The following CNNM4 variants were observed in gnomAD, a reference collection of about 807,000 sequenced individuals.
The protein encoded by CNNM4 is metal transporter CNNM4.
In CNNM4, 32 loss-of-function variants were observed where a neutral mutation model predicts 53.7. The observed-to-expected ratio is 0.60, with a 90% CI of 0.45 to 0.80. CNNM4 has a LOEUF of 0.80. Among genes scored for constraint, CNNM4 ranks in the 30% least tolerant of loss-of-function variants. CNNM4 has a pLI of 0.00. For missense variants in CNNM4, 784 were observed against 1,022.0 expected (o/e 0.77, Z 3.17); for synonymous variants, 410 against 440.0 (o/e 0.93, Z 0.85).
At position 96,801,088 on chromosome 2, in the gene CNNM4, C is replaced by T. The variant is rs1287299004; in HGVS notation, c.1948+1440C>T. On this transcript the variant is annotated intron_variant, in intron 5 of 6. Coordinates refer to ENST00000377075, the MANE Select transcript of CNNM4 (RefSeq NM_020184.4). The surrounding 1 kb of genome is among the most constrained non-coding windows in gnomAD (Gnocchi z 5.6). The stretch of plus-strand genomic sequence containing the variant: ...TTGCTCCAGTGCCTTCAGTCCAGGT[C>T]GGGTGTCCGCCTGGCAAGCGGAACT... The T allele has an allele frequency of 1.2e-5, 12 of 985,290 alleles. No homozygotes were observed. The South Asian group carries it at 2.3e-4, about 19-fold the overall frequency. The allele number at this position is 985,290 out of a possible 1,614,324, so 61.0% of individuals were successfully genotyped here.
At chr2:96,796,094 G>GTTCCAGAA in intron 1 of CNNM4, among the ~76,000 whole-genome samples, 1 of 129,324 alleles carries the variant, frequency 7.7e-6, no homozygotes, top group Non-Finnish European at 1.6e-5. Context: ...CTCCCCAAGA[G>GTTCCAGAA]TTCCAGAAGC....
intron 1 of CNNM4, among the ~76,000 whole-genome samples, chr2:96,772,574 C>T (rs1182479278): frequency 1.4e-5 from 2 of 141,600 alleles, no homozygotes; most frequent in Non-Finnish European, 3.0e-5. Flanking sequence ...CTCATACCCC[C>T]ACATAGGTAC....
intron 5 of CNNM4, among the ~76,000 whole-genome samples, chr2:96,802,539 G>C (rs7580942): frequency 0.19 from 28,765 of 152,284 alleles, 5,049 homozygotes; most frequent in African/African-American, 0.47. Context: ...AGACTGCCTA[G>C]TCAAGAGCCA....
At chr2:96,806,860 C>G (rs1156348513) in intron 5 of CNNM4, among the ~76,000 whole-genome samples, 1 of 152,098 alleles carries the variant, frequency 6.6e-6, no homozygotes, top group Non-Finnish European at 1.5e-5. Flanking sequence ...TGTTACAACT[C>G]TTATTCGAGA....
intron 5 of CNNM4, among the ~76,000 whole-genome samples, chr2:96,802,457 C>G (rs919022869): frequency 5.4e-4 from 82 of 152,368 alleles, no homozygotes; most frequent in Admixed American, 6.5e-4. Context: ...ATTTTCTTCA[C>G]AAGCTTTGCT....
At chr2:96,772,442 A>G (rs1423990314) in intron 1 of CNNM4, among the ~76,000 whole-genome samples, 24 of 109,940 alleles carry the variant, frequency 2.2e-4, no homozygotes, top group African/African-American at 8.9e-4. Flanking sequence ...GCGCACACAC[A>G]CTCATACCCC....
chr2:96,806,529 ACACACACGCGCG>A lies in CNNM4; in HGVS notation c.1949-2030_1949-2019del, dbSNP rs1365512957. Among the ~76,000 whole-genome samples, 408 of 142,372 alleles carry A rather than the reference ACACACACGCGCG, an allele frequency of 2.9e-3. 3 individuals are homozygous for A. The highest frequency in any genetic ancestry group is 0.01 in the African/African-American group (391 of 37,748). The allele number at this position is 142,372 out of a possible 152,430, so 93.4% of individuals were successfully genotyped here. ...CCAACACACACACACACACACACAC[ACACACACGCGCG>A]CGCGCGCGCGCGCCCTTAGTTAAAA... On this transcript the variant is annotated intron_variant, in intron 5 of 6. Coordinates refer to ENST00000377075, the MANE Select transcript of CNNM4 (RefSeq NM_020184.4).
intron 5 of CNNM4, among the ~76,000 whole-genome samples, chr2:96,802,104 C>T (rs796791223): frequency 7.3e-5 from 11 of 151,226 alleles, no homozygotes; most frequent in South Asian, 6.3e-4. Context: ...TACACAGATA[C>T]ACCCATAGAC....
chr2:96,763,702 TG>T (rs1265363057), intron 1 of CNNM4, among the ~76,000 whole-genome samples: 1 of 152,184 alleles, frequency 6.6e-6, no homozygotes, highest in African/African-American at 2.4e-5. Context: ...GAAAAGATGC[TG>T]GGGTCAGGGC....
In CNNM4 at chr2:96,761,087, CT is replaced by C; in HGVS notation, c.89del (p.Leu30ArgfsTer20). The C allele has an allele frequency of 6.6e-7, 1 of 1,516,326 alleles. No homozygotes were observed. The highest frequency in any genetic ancestry group is 8.9e-7 in the Non-Finnish European group (1 of 1,128,334). 93.9% of individuals were successfully genotyped at this position (1,516,326 alleles called of 1,614,324 possible). The part of the protein sequence containing the change: ...LLAAPVLLVL[L>X]WALGARGQGS... ...GGCGGCGCCGGTGCTGCTGGTGCTGCTGTGGGCGCTGGGGGCCCGGGGCCAG... is the reference window on the plus strand; with the variant it reads ...GGCGGCGCCGGTGCTGCTGGTGCTGCGTGGGCGCTGGGGGCCCGGGGCCAG... On this transcript the variant is annotated frameshift_variant, in exon 1 of 7. Transcript: ENST00000377075. LOFTEE classifies it high-confidence loss of function. The surrounding 1 kb of genome is among the most constrained non-coding windows in gnomAD (Gnocchi z 6.0).
chr2:96,809,486 T>A lies in CNNM4; in HGVS notation c.2297T>A (p.Leu766Gln), dbSNP rs760638293. 8 of 1,614,252 alleles carry A rather than the reference T, an allele frequency of 5.0e-6. No homozygotes were observed. Among genetic ancestry groups the A allele is most frequent in the Non-Finnish European group, 6.8e-6 (8 of 1,180,034 alleles). ...TTLLNERNSL[L>Q]HKASHENAI ...CTTCTCAACGAGCGTAACTCCTTGC[T>A]GCACAAAGCCTCCCACGAGAATGCC... Residue 766 changes from leucine to glutamine, a missense_variant, in exon 7 of 7, where the codon CTG (leucine) becomes CAG (glutamine). By Grantham distance (113) the Leu-to-Gln change is moderately radical. Around this residue, in one of 3 missense-constraint regions of CNNM4, gnomAD observed 307 missense variants for 376.3 expected, o/e 0.82. Coordinates refer to ENST00000377075, the MANE Select transcript of CNNM4 (RefSeq NM_020184.4).
chr2:96,795,491 C>A (rs534694075), intron 1 of CNNM4, among the ~76,000 whole-genome samples: 3 of 152,234 alleles, frequency 2.0e-5, no homozygotes, highest in South Asian at 2.1e-4. Flanking sequence ...TGCAGTACCC[C>A]CCCCCCCATC....
Position 96,799,634 on chromosome 2 carries a change from C to T in CNNM4, c.1934C>T (p.Thr645Ile). 1 of 1,552,088 alleles carries T rather than the reference C, an allele frequency of 6.4e-7. No homozygotes were observed. Among genetic ancestry groups the T allele is most frequent in the Non-Finnish European group, 8.7e-7 (1 of 1,147,112 alleles). The part of the protein sequence containing the change: ...AFSYYGTMAL[T>I]SVPSDRSPAH... ...TCCTACTATGGGACTATGGCCCTGA[C>T]CTCGGTCCCCTCCGGTGAGTTGTTG... is the stretch of plus-strand genomic sequence containing the variant. Residue 645 changes from threonine to isoleucine, a missense_variant, in exon 5 of 7, where the codon ACC becomes ATC. Thr to Ile is a moderately conservative substitution (Grantham distance 89). Around this residue, in one of 3 missense-constraint regions of CNNM4, gnomAD observed 307 missense variants for 376.3 expected, o/e 0.82. Coordinates refer to ENST00000377075, the MANE Select transcript of CNNM4 (RefSeq NM_020184.4).
In CNNM4 at chr2:96,767,062, C is replaced by T. The variant is rs1574052202; in HGVS notation, c.1402+4661C>T. 3.9e-5 allele frequency among the ~76,000 whole-genome samples: 6 copies of T among 152,260 alleles called. No homozygotes were observed. In the South Asian group the frequency reaches 1.0e-3, roughly 26 times the overall value. On this transcript the variant is annotated intron_variant, in intron 1 of 6. Transcript: ENST00000377075. ...CTTTGGCCACTGGGGGTTTACACAG[C>T]TTCCCTCATTAGATGAGTCATGAAT...
chr2:96,783,464 A>G (rs1203557151), intron 1 of CNNM4, among the ~76,000 whole-genome samples: 1 of 152,142 alleles, frequency 6.6e-6, no homozygotes, highest in African/African-American at 2.4e-5. Flanking sequence ...GGTGGGACAC[A>G]GTTCACTCCT....
intron 3 of CNNM4, 130 bp from the exon 4 acceptor site, chr2:96,798,927 C>A: frequency 1.1e-6 from 1 of 905,906 alleles, no homozygotes; most frequent in Non-Finnish European, 1.8e-6. Flanking sequence ...AGAACGAGGG[C>A]CGGCCGAGCA....
intron 1 of CNNM4, among the ~76,000 whole-genome samples, chr2:96,766,100 C>CTT (rs559702736): frequency 2.7e-5 from 3 of 110,508 alleles, no homozygotes; most frequent in Non-Finnish European, 3.7e-5. Context: ...TTTTTCTTTT[C>CTT]TTTTTTTTTT....
intron 1 of CNNM4, among the ~76,000 whole-genome samples, chr2:96,778,175 C>G (rs966328252): frequency 2.6e-5 from 4 of 151,744 alleles, no homozygotes; most frequent in African/African-American, 4.8e-5. Context: ...CCCTCTCTGC[C>G]TTTTTCTTAA....
At chr2:96,802,032 T>C (rs2079164301) in intron 5 of CNNM4, among the ~76,000 whole-genome samples, 1 of 135,852 alleles carries the variant, frequency 7.4e-6, no homozygotes, top group South Asian at 2.4e-4. Flanking sequence ...CACCCACCCA[T>C]AGGCACACAC....
Sources: allele counts gnomAD v4.1 joint callset (sites outside exome capture counted in the v4.1 genomes callset), GRCh38; gene constraint gnomAD v4.1.1; regional missense constraint gnomAD v4.1.1; non-coding constraint Gnocchi (gnomAD v3.1); transcripts MANE v1.5; gene names NCBI Gene and HGNC (gene_info 2026-07-23, HGNC 2026-07-21).